The following USH2A variants were observed in gnomAD, a reference collection of about 807,000 sequenced individuals.
USH2A encodes Usher syndrome 2A (autosomal recessive, mild).
Under a neutral mutation model 538.9 loss-of-function variants are expected in USH2A, and 443 were observed. The observed-to-expected ratio is 0.82, with a 90% CI of 0.76 to 0.89. USH2A has a LOEUF of 0.89. Ranked by LOEUF, USH2A falls within the 40% of genes least tolerant of loss-of-function variation. USH2A has a pLI of 0.00. For synonymous variants in USH2A, 2,413 were observed against 2,273.5 expected, an observed-to-expected ratio of 1.06 and a Z score of -1.75; for missense variants, 6,633 against 6,324.8, an observed-to-expected ratio of 1.05 and a Z score of -1.65.
At chr1:216,356,111 A>T (rs1256860940) in intron 4 of USH2A, among the ~76,000 whole-genome samples, 1 of 152,114 alleles carries the variant, frequency 6.6e-6, no homozygotes, top group Non-Finnish European at 1.5e-5. Flanking sequence ...TTCAAACCCA[A>T]ATCTGTCTGA....
chr1:216,142,195 A>G (rs767117282), intron 21 of USH2A, among the ~76,000 whole-genome samples: 1 of 152,218 alleles, frequency 6.6e-6, no homozygotes, highest in Non-Finnish European at 1.5e-5. Context: ...GAAATTCATA[A>G]AAGATGAAAT....
chr1:216,304,143 A>G (rs566565183), intron 9 of USH2A, among the ~76,000 whole-genome samples: 153 of 152,178 alleles, frequency 1.0e-3, no homozygotes, highest in African/African-American at 3.6e-3. Context: ...CAACTTAGAA[A>G]CAAGATACTG....
intron 26 of USH2A, 30 bp from the exon 27 acceptor site, chr1:216,078,392 T>C (rs780168581): frequency 6.2e-7 from 1 of 1,608,192 alleles, no homozygotes; most frequent in Non-Finnish European, 8.5e-7. Flanking sequence ...AGAAAGTAGG[T>C]ATATAAAAAG....
At chr1:216,120,720 C>T (rs1372832572) in intron 21 of USH2A, among the ~76,000 whole-genome samples, 2 of 151,642 alleles carry the variant, frequency 1.3e-5, no homozygotes, top group Non-Finnish European at 2.9e-5. Flanking sequence ...GGCATGGTGG[C>T]GGGCACCTGT....
chr1:216,269,967 A>G (rs923316391), intron 11 of USH2A, among the ~76,000 whole-genome samples: 1 of 152,142 alleles, frequency 6.6e-6, no homozygotes, highest in South Asian at 2.1e-4. Context: ...CAAGGCATCA[A>G]GTAATCCATA....
chr1:216,348,793 G>GT (rs941929469), intron 4 of USH2A, among the ~76,000 whole-genome samples: 62 of 151,478 alleles, frequency 4.1e-4, no homozygotes, highest in Non-Finnish European at 3.4e-4. Flanking sequence ...TGTGTTTAAG[G>GT]TTTTTTTTCT....
intron 21 of USH2A, among the ~76,000 whole-genome samples, chr1:216,130,731 T>C (rs1212615390): frequency 2.0e-5 from 3 of 151,006 alleles, no homozygotes; most frequent in Non-Finnish European, 3.0e-5. Flanking sequence ...GCATTTGGGT[T>C]GATTCCATAT....
intron 30 of USH2A, among the ~76,000 whole-genome samples, chr1:216,069,555 G>A (rs552789977): frequency 6.6e-6 from 1 of 152,224 alleles, no homozygotes; most frequent in African/African-American, 2.4e-5. Context: ...ATGAATTTGA[G>A]TGTGAGATGT....
At chr1:216,265,877 T>G (rs931093015) in intron 11 of USH2A, among the ~76,000 whole-genome samples, 1 of 151,954 alleles carries the variant, frequency 6.6e-6, no homozygotes, top group Non-Finnish European at 1.5e-5. Context: ...GGTCGAATAG[T>G]GGTTACTGGA....
At chr1:216,302,932 A>G (rs1319071894) in intron 9 of USH2A, among the ~76,000 whole-genome samples, 2 of 152,024 alleles carry the variant, frequency 1.3e-5, no homozygotes, top group African/African-American at 2.4e-5. Context: ...GTATTTCCTT[A>G]CTGTAGGCCT....
chr1:216,177,603 G>A (rs2034415898), intron 20 of USH2A, among the ~76,000 whole-genome samples: 1 of 152,072 alleles, frequency 6.6e-6, no homozygotes, highest in Non-Finnish European at 1.5e-5. Flanking sequence ...TAGCCTTGGA[G>A]CAGTAGTGAC....
intron 21 of USH2A, among the ~76,000 whole-genome samples, chr1:216,162,870 A>T (rs753071440): frequency 4.6e-5 from 7 of 152,056 alleles, no homozygotes; most frequent in Non-Finnish European, 7.4e-5. Context: ...TTCTCATAGG[A>T]TTATTCTAAA....
intron 55 of USH2A, among the ~76,000 whole-genome samples, chr1:215,768,429 G>A (rs1661191054): frequency 6.6e-6 from 1 of 152,008 alleles, no homozygotes; most frequent in Non-Finnish European, 1.5e-5. Flanking sequence ...ATAATGTTCT[G>A]CAGCTGGAGC....
chr1:216,374,602 A>G (rs1405488644), intron 3 of USH2A, among the ~76,000 whole-genome samples: 1 of 152,198 alleles, frequency 6.6e-6, no homozygotes, highest in Non-Finnish European at 1.5e-5. Flanking sequence ...AAGACTGTAT[A>G]AATATCCTAT....
intron 61 of USH2A, among the ~76,000 whole-genome samples, chr1:215,702,356 A>G (rs1380685104): frequency 6.6e-6 from 1 of 152,040 alleles, no homozygotes; most frequent in Non-Finnish European, 1.5e-5. Context: ...CTGACTTTGA[A>G]TGTTGGCCTG....
At chr1:215,696,264 G>T (rs375215303) in intron 61 of USH2A, among the ~76,000 whole-genome samples, 18 of 152,308 alleles carry the variant, frequency 1.2e-4, no homozygotes, top group African/African-American at 4.1e-4. Context: ...CCATTTTCTT[G>T]TTGAATAGGT....
At chr1:216,010,052 C>T (rs1272830631) in intron 32 of USH2A, among the ~76,000 whole-genome samples, 5 of 152,164 alleles carry the variant, frequency 3.3e-5, no homozygotes, top group South Asian at 2.1e-4. Context: ...ACCCAATCTG[C>T]TCCCGACATT....
At chr1:215,769,490 G>A (rs1380231426) in intron 55 of USH2A, among the ~76,000 whole-genome samples, 1 of 152,166 alleles carries the variant, frequency 6.6e-6, no homozygotes, top group Admixed American at 6.5e-5. Flanking sequence ...GCTGCAAGTT[G>A]AGTGGTCTCC....
At position 216,046,457 on chromosome 1, in the gene USH2A, C is replaced by T. The variant is rs762810038; in HGVS notation, c.6299G>A (p.Gly2100Asp). ...LYMDGRLIYS[G>D]SEENYIVTDL... ...TGTGACTATGTAGTTCTCCTCACTG[C>T]CTGAATAGATCAGCCTCCCATCCAT... The change falls in exon 32 of 72, where the codon GGC becomes GAC. Residue 2100 changes from glycine (G) to aspartate (D), a missense_variant. Coordinates refer to ENST00000307340, the MANE Select transcript of USH2A (RefSeq NM_206933.4). 1 of 1,613,410 alleles carries T rather than the reference C, an allele frequency of 6.2e-7. No homozygotes were observed. The highest frequency in any genetic ancestry group is 8.5e-7 in the Non-Finnish European group (1 of 1,179,578).
Sources: gnomAD v4.1 joint callset for allele counts (sites outside exome capture counted in the v4.1 genomes callset) on GRCh38, gnomAD v4.1.1 for gene constraint, MANE v1.5 for transcripts, NCBI Gene and HGNC (gene_info 2026-07-23, HGNC 2026-07-21) for gene names.